ADGRF5: variants seen among roughly 807,000 people sequenced by gnomAD.
The protein encoded by ADGRF5 is adhesion G protein-coupled receptor F5.
ADGRF5 carries 75 observed loss-of-function variants against 132.3 expected under a neutral mutation model. That is an observed-to-expected ratio of 0.57 (90% CI 0.47 to 0.69). The LOEUF is 0.69. Among genes scored for constraint, ADGRF5 ranks in the 30% least tolerant of loss-of-function variants. The probability of loss-of-function intolerance (pLI) is 0.00; values close to 1 mark genes in which losing one functional copy is unlikely to be tolerated. For missense variants in ADGRF5, 1,516 were observed against 1,630.6 expected (o/e 0.93, Z 1.21); for synonymous variants, 629 against 597.6 (o/e 1.05, Z -0.77).
At chr6:46,910,684 G>T (rs887002808) in intron 1 of ADGRF5, among the ~76,000 whole-genome samples, 2 of 151,800 alleles carry the variant, frequency 1.3e-5, no homozygotes, top group Admixed American at 6.6e-5. Flanking sequence ...AGATTTTCTT[G>T]GTGGGAAATC....
chr6:46,889,235 T>C (rs1467409263), intron 3 of ADGRF5, among the ~76,000 whole-genome samples: 2 of 146,832 alleles, frequency 1.4e-5, no homozygotes, highest in African/African-American at 2.5e-5. Flanking sequence ...ATATAGTATA[T>C]ACAGTCTCTA....
chr6:46,899,451 A>C (rs1269808091), intron 3 of ADGRF5, among the ~76,000 whole-genome samples: 2 of 152,140 alleles, frequency 1.3e-5, no homozygotes, highest in African/African-American at 4.8e-5. Context: ...ACACCTGCGC[A>C]GGGTCCACTC....
intron 16 of ADGRF5, among the ~76,000 whole-genome samples, chr6:46,859,927 T>C (rs988771114): frequency 1.3e-5 from 2 of 152,098 alleles, no homozygotes; most frequent in Non-Finnish European, 2.9e-5. Context: ...TGATCTCAGG[T>C]GATCCATCCG....
chr6:46,932,227 T>G (rs1010450897), intron 1 of ADGRF5, among the ~76,000 whole-genome samples: 1 of 152,188 alleles, frequency 6.6e-6, no homozygotes, highest in African/African-American at 2.4e-5. Context: ...ATTTAAAAAA[T>G]ATTTTTTGAC....
intron 1 of ADGRF5, among the ~76,000 whole-genome samples, chr6:46,914,802 G>A (rs937609062): frequency 1.3e-5 from 2 of 151,874 alleles, no homozygotes; most frequent in African/African-American, 2.4e-5. Flanking sequence ...AATTGCAGAC[G>A]GAGGGAAGCC....
Position 46,881,509 on chromosome 6 carries a change from T to C in ADGRF5, c.760A>G (p.Ser254Gly), listed in dbSNP as rs1387901241. 5.0e-6 allele frequency: 8 copies of C among 1,613,332 alleles called. No individual in the cohort carries two copies. The highest frequency in any genetic ancestry group is 5.9e-6 in the Non-Finnish European group (7 of 1,179,238). Residue 254 changes from serine (S) to glycine (G), a missense_variant, in exon 8 of 21, where the codon AGC becomes GGC. This residue lies in a region of ADGRF5 where 945 missense variants were observed against 929.4 expected (regional missense o/e 1.02). Coordinates refer to ENST00000283296, the MANE Select transcript of ADGRF5 (RefSeq NM_001098518.2). ...IHKANEQVVQ[S>G]LNQTYKMDYN... is the part of the protein sequence containing the mutation. Reference sequence around the variant, plus strand: ...TCCATTTTGTAGGTCTGATTGAGGCTCTGTACAACTTGTTCATTGGCTTTA... The same window carrying C: ...TCCATTTTGTAGGTCTGATTGAGGCCCTGTACAACTTGTTCATTGGCTTTA...
intron 16 of ADGRF5, among the ~76,000 whole-genome samples, chr6:46,859,863 T>A (rs547301062): frequency 8.1e-6 from 1 of 123,398 alleles, no homozygotes; most frequent in African/African-American, 2.7e-5. Context: ...CTTAAGCCTA[T>A]ATTTTTAGTA....
intron 1 of ADGRF5, among the ~76,000 whole-genome samples, chr6:46,913,922 G>A (rs113452284): frequency 1.4e-3 from 216 of 152,254 alleles, no homozygotes; most frequent in African/African-American, 4.9e-3. Context: ...ACACTATTGT[G>A]ACCTTTGAAA....
Position 46,884,175 on chromosome 6 carries a change from C to T in ADGRF5, c.425G>A (p.Arg142His), listed in dbSNP as rs776153232. 16 of 1,613,870 alleles carry T rather than the reference C, an allele frequency of 9.9e-6. No individual in the cohort carries two copies. The highest frequency in any genetic ancestry group is 6.7e-5 in the East Asian group (3 of 44,894). ...ATGGTGCCCTGGGAGGAAGACGTCA[C>T]GCTCTTGACAAATGAGATTGTGAAG... ...RCLHNLICQE[R>H]DVFLPGHHCS... Residue 142 changes from arginine (R) to histidine (H), a missense_variant, in exon 5 of 21, where the codon CGT becomes CAT. By Grantham distance (29) the Arg-to-His change is conservative (BLOSUM62 0). This residue lies in a region of ADGRF5 where 945 missense variants were observed against 929.4 expected (regional missense o/e 1.02). Coordinates refer to ENST00000283296, the MANE Select transcript of ADGRF5 (RefSeq NM_001098518.2).
At chr6:46,877,298 T>TCC (rs1346203291) in intron 10 of ADGRF5, among the ~76,000 whole-genome samples, 29 of 104,018 alleles carry the variant, frequency 2.8e-4, no homozygotes, top group South Asian at 6.3e-4. Context: ...TTTCTCTCTC[T>TCC]CTCTCTCTTT....
chr6:46,889,429 CTA>C (rs1773406295), intron 3 of ADGRF5, among the ~76,000 whole-genome samples: 1 of 146,016 alleles, frequency 6.8e-6, no homozygotes, highest in South Asian at 2.1e-4. Context: ...AGTATAAAGA[CTA>C]TAGTCTTTAT....
rs73736679 is a variant in ADGRF5 at position 46,896,404 on chromosome 6, C to T, written c.157+3625G>A. Among the ~76,000 whole-genome samples the T allele has an allele frequency of 1.4e-3, 210 of 152,266 alleles. 1 individual carries two copies. Among genetic ancestry groups the T allele is most frequent in the African/African-American group, 4.9e-3 (202 of 41,566 alleles). ...ATTTTGAAAGAGTTTTCCTAAAATG[C>T]TAACTCCTATATCACAGCATCTGTG... On this transcript the variant is annotated intron_variant, in intron 3 of 20. Coordinates refer to ENST00000283296, the MANE Select transcript of ADGRF5 (RefSeq NM_001098518.2).
Position 46,866,942 on chromosome 6 carries a change from G to A in ADGRF5, c.1817C>T (p.Ser606Phe). Reference sequence around the variant, plus strand: ...CATCTTACCAGCAGGAAGGGATGAGGAACCCGTATGGAAAGTAACTTTGTA... The same window carrying A: ...CATCTTACCAGCAGGAAGGGATGAGAAACCCGTATGGAAAGTAACTTTGTA... ...GDYKVTFHTG[S>F]SSLPAAKEVN... The change falls in exon 13 of 21, where the codon TCC (serine) becomes TTC (phenylalanine). Residue 606 changes from serine to phenylalanine, a missense_variant. Physicochemically the swap from Ser to Phe is radical, Grantham distance 155. This residue lies in a region of ADGRF5 where 945 missense variants were observed against 929.4 expected (regional missense o/e 1.02). Coordinates refer to ENST00000283296, the MANE Select transcript of ADGRF5 (RefSeq NM_001098518.2). 2.5e-6 allele frequency: 4 copies of A among 1,605,906 alleles called. No homozygotes were observed. The highest frequency in any genetic ancestry group is 2.6e-6 in the Non-Finnish European group (3 of 1,172,500).
chr6:46,875,542 T>A (rs1234196627), intron 10 of ADGRF5, among the ~76,000 whole-genome samples: 2 of 152,068 alleles, frequency 1.3e-5, no homozygotes, highest in East Asian at 3.9e-4. Flanking sequence ...CCCAGCACTT[T>A]GGGAGGCCAA....
chr6:46,908,045 T>C (rs538738767), intron 1 of ADGRF5: 2 of 152,338 alleles, frequency 1.3e-5, no homozygotes, highest in South Asian at 2.1e-4. Flanking sequence ...ACACTGATGA[T>C]AGGCAAGATT....
intron 10 of ADGRF5, among the ~76,000 whole-genome samples, chr6:46,877,469 A>G (rs558889245): frequency 1.3e-5 from 2 of 151,564 alleles, no homozygotes; most frequent in South Asian, 2.1e-4. Context: ...ATTGGAAGTA[A>G]AATGCTTCAA....
chr6:46,883,630 C>G lies in ADGRF5; in HGVS notation c.541G>C (p.Gly181Arg), dbSNP rs974556490. 2 of 1,602,784 alleles carry G rather than the reference C, an allele frequency of 1.2e-6. No homozygotes were observed. Among genetic ancestry groups the G allele is most frequent in the African/African-American group, 2.7e-5 (2 of 74,158 alleles). The part of the protein sequence containing the change: ...TLNMRVRLNV[G>R]FQEDLMNTSS... ...GTGTTCATGAGGTCTTCTTGAAAGC[C>G]TACATTTAGTCTGACTCTCATGTTC... Residue 181 changes from glycine to arginine, a missense_variant, in exon 6 of 21, where the codon GGC (glycine) becomes CGC (arginine). Coordinates refer to ENST00000283296, the MANE Select transcript of ADGRF5 (RefSeq NM_001098518.2).
intron 17 of ADGRF5, 141 bp downstream of exon 17, chr6:46,857,988 T>G: frequency 3.2e-6 from 2 of 623,928 alleles, no homozygotes; most frequent in African/African-American, 1.8e-5. Flanking sequence ...TCTGATTGAG[T>G]TCTCATTATT....
chr6:46,915,084 G>A (rs1481666115), intron 1 of ADGRF5, among the ~76,000 whole-genome samples: 1 of 151,896 alleles, frequency 6.6e-6, no homozygotes. Flanking sequence ...TTGAACTCCT[G>A]ACCTCAAGTG....
Sources: allele counts gnomAD v4.1 joint callset (sites outside exome capture counted in the v4.1 genomes callset), GRCh38; gene constraint gnomAD v4.1.1; regional missense constraint gnomAD v4.1.1; transcripts MANE v1.5; gene names NCBI Gene and HGNC (gene_info 2026-07-23, HGNC 2026-07-21).